Variants in NETO1 observed in about 807,000 individuals in gnomAD.
The protein encoded by NETO1 is neuropilin and tolloid like 1, also known as neuropilin and tolloid-like protein 1.
Under a neutral mutation model 61.3 loss-of-function variants are expected in NETO1, and 26 were observed. That is an observed-to-expected ratio of 0.42 (90% CI 0.31 to 0.59). The LOEUF is 0.59. Ranked by LOEUF, NETO1 falls within the 20% of genes least tolerant of loss-of-function variation. NETO1 has a pLI of 0.12. For synonymous variants in NETO1, 225 were observed against 225.8 expected (o/e 1.00, Z 0.03); for missense variants, 531 against 662.8 (o/e 0.80, Z 2.18).
chr18:72,793,875 A>C (rs2072222477), intron 6 of NETO1, among the ~76,000 whole-genome samples: 1 of 152,236 alleles, frequency 6.6e-6, no homozygotes, highest in African/African-American at 2.4e-5. Flanking sequence ...GACTTACCTT[A>C]AAGTCTCTTG....
At chr18:72,791,205 T>C (rs1407104679) in intron 6 of NETO1, among the ~76,000 whole-genome samples, 1 of 152,202 alleles carries the variant, frequency 6.6e-6, no homozygotes, top group African/African-American at 2.4e-5. Context: ...AGATATTATA[T>C]TTTCTATTTG....
intron 4 of NETO1, among the ~76,000 whole-genome samples, chr18:72,848,939 T>C (rs1210650002): frequency 6.6e-6 from 1 of 152,230 alleles, no homozygotes; most frequent in Non-Finnish European, 1.5e-5. Context: ...ATTCACTCCA[T>C]TAGCCAAAGA....
At chr18:72,806,167 G>A (rs747083985) in intron 4 of NETO1, among the ~76,000 whole-genome samples, 5 of 152,090 alleles carry the variant, frequency 3.3e-5, no homozygotes, top group Non-Finnish European at 7.4e-5. Context: ...ATCATATTTG[G>A]GTTCAAGCAA....
chr18:72,862,492 C>T (rs111240849), intron 3 of NETO1, among the ~76,000 whole-genome samples: 10 of 152,224 alleles, frequency 6.6e-5, no homozygotes, highest in Non-Finnish European at 8.8e-5. Flanking sequence ...CAATTTTTCC[C>T]GTCTATATTT....
chr18:72,772,761 A>ATC (rs2071395934), intron 7 of NETO1, among the ~76,000 whole-genome samples: 1 of 25,878 alleles, frequency 3.9e-5, no homozygotes, highest in African/African-American at 1.1e-4. Flanking sequence ...ATATATATCT[A>ATC]TATATATATA....
intron 4 of NETO1, among the ~76,000 whole-genome samples, chr18:72,798,378 A>G (rs2072391621): frequency 6.6e-6 from 1 of 152,210 alleles, no homozygotes; most frequent in Non-Finnish European, 1.5e-5. Flanking sequence ...GGAAATACAG[A>G]TGAACATTAG....
chr18:72,835,242 G>A (rs1428524626), intron 4 of NETO1: 10 of 1,526,338 alleles, frequency 6.6e-6, no homozygotes, highest in South Asian at 2.5e-5. Flanking sequence ...GGGCACCACA[G>A]CATCCAGAGA....
chr18:72,777,696 T>C, intron 7 of NETO1, among the ~76,000 whole-genome samples: 1 of 152,126 alleles, frequency 6.6e-6, no homozygotes, highest in East Asian at 1.9e-4. Flanking sequence ...TGAGCTGAGA[T>C]TGCGCCACTG....
At chr18:72,807,214 C>T (rs920313046) in intron 4 of NETO1, among the ~76,000 whole-genome samples, 2 of 152,158 alleles carry the variant, frequency 1.3e-5, no homozygotes, top group South Asian at 2.1e-4. Context: ...ATTATAGCTT[C>T]TCTTTTTGAG....
chr18:72,763,655 C>G (rs962211396), intron 7 of NETO1, among the ~76,000 whole-genome samples: 2 of 151,886 alleles, frequency 1.3e-5, no homozygotes, highest in African/African-American at 4.8e-5. Context: ...CATACACACA[C>G]CACACAGCCA....
chr18:72,867,192 GC>G (rs2074766063), intron 1 of NETO1, 71 bp downstream of exon 1: 1 of 1,211,180 alleles, frequency 8.3e-7, no homozygotes. Flanking sequence ...CTTTTCCTGC[GC>G]GTTCGGCCCC....
At chr18:72,866,973 G>T (rs2074755386) in intron 1 of NETO1, 2 of 409,316 alleles carry the variant, frequency 4.9e-6, no homozygotes, top group African/African-American at 2.1e-5. Context: ...AATCTCTGCC[G>T]CACGTGTCCA....
At chr18:72,865,811 C>T (rs2074717211) in intron 1 of NETO1, 2 of 997,322 alleles carry the variant, frequency 2.0e-6, no homozygotes, top group East Asian at 6.3e-5. Flanking sequence ...GGAATGTTGC[C>T]TACAAAAATG....
intron 2 of NETO1, 83 bp from the exon 3 acceptor site, chr18:72,865,028 T>A: frequency 8.2e-6 from 12 of 1,471,192 alleles, no homozygotes; most frequent in Non-Finnish European, 1.1e-5. Context: ...TCTTATAATA[T>A]CCATTAGTAA....
At chr18:72,853,760 A>AG (rs2074330611) in intron 4 of NETO1, among the ~76,000 whole-genome samples, 1 of 151,704 alleles carries the variant, frequency 6.6e-6, no homozygotes, top group Non-Finnish European at 1.5e-5. Flanking sequence ...TCAAAAAAAA[A>AG]AAAAAGAAAA....
intron 7 of NETO1, among the ~76,000 whole-genome samples, chr18:72,756,723 A>G (rs11877984): frequency 0.023 from 3,514 of 152,220 alleles, 132 homozygotes; most frequent in African/African-American, 0.077. Context: ...ATATGGTGAT[A>G]AAATTAGCTT....
chr18:72,848,453 C>T (rs1011559663), intron 4 of NETO1, among the ~76,000 whole-genome samples: 2 of 152,180 alleles, frequency 1.3e-5, no homozygotes, highest in Non-Finnish European at 2.9e-5. Context: ...CACAATTTCT[C>T]TCCATCGTTG....
chr18:72,772,793 T>TATCTCTCTCTCTCTCTCTC (rs1391807702), intron 7 of NETO1, among the ~76,000 whole-genome samples: 1 of 58,958 alleles, frequency 1.7e-5, no homozygotes, highest in African/African-American at 6.8e-5. Context: ...CTCTATATAG[T>TATCTCTCTCTCTCTCTCTC]TCTCTCTCTC....
intron 8 of NETO1, among the ~76,000 whole-genome samples, chr18:72,755,106 A>C (rs2070743297): frequency 6.6e-6 from 1 of 152,202 alleles, no homozygotes; most frequent in Admixed American, 6.5e-5. Context: ...TATTTCTTAC[A>C]CACATGGGAC....
Sources: gnomAD v4.1 joint callset for allele counts (sites outside exome capture counted in the v4.1 genomes callset) on GRCh38, gnomAD v4.1.1 for gene constraint, MANE v1.5 for transcripts, NCBI Gene and HGNC (gene_info 2026-07-23, HGNC 2026-07-21) for gene names.